Variants in STAT5A observed in about 807,000 individuals in gnomAD.
The protein encoded by STAT5A is signal transducer and activator of transcription 5A.
A neutral mutation model predicts 100.2 loss-of-function variants in STAT5A; 26 were observed. The ratio of observed to expected loss-of-function variants is 0.26; its 90% CI spans 0.19 to 0.36. The LOEUF (loss-of-function observed/expected upper bound fraction) is 0.36, where lower values mean the gene tolerates loss of function less well. Ranked by LOEUF, STAT5A falls within the 10% of genes least tolerant of loss-of-function variation. The pLI is 1.00. For synonymous variants in STAT5A, 330 were observed against 424.3 expected, an observed-to-expected ratio of 0.78 and a Z score of 2.73; for missense variants, 634 against 1,027.5, an observed-to-expected ratio of 0.62 and a Z score of 5.24.
chr17:42,290,928 G>T (rs2080863221), intron 3 of STAT5A, among the ~76,000 whole-genome samples: 1 of 152,196 alleles, frequency 6.6e-6, no homozygotes, highest in Non-Finnish European at 1.5e-5. Flanking sequence ...GACCGGGATT[G>T]GGCAGGGAGG....
Position 42,304,852 on chromosome 17 carries a change from T to C in STAT5A, c.1380+200T>C, listed in dbSNP as rs2081013324. Among the ~76,000 whole-genome samples, 1 of 152,208 alleles carries C rather than the reference T, an allele frequency of 6.6e-6. No individual in the cohort carries two copies. Among genetic ancestry groups the C allele is most frequent in the African/African-American group, 2.4e-5 (1 of 41,456 alleles). ...AGAAGTCGGTTGTAGTTTTTGTTTG[T>C]TTGCTTGTGCCTACATTTTGCTGGG... On this transcript the variant is annotated intron_variant, in intron 11 of 18. Coordinates refer to ENST00000590949, the MANE Select transcript of STAT5A (RefSeq NM_001288718.2). The surrounding 1 kb of genome is among the most constrained non-coding windows in gnomAD (Gnocchi z 4.8).
At chr17:42,290,130 G>A (rs957659672) in intron 3 of STAT5A, 108 bp downstream of exon 3, 5 of 1,362,314 alleles carry the variant, frequency 3.7e-6, no homozygotes, top group South Asian at 1.7e-5. Flanking sequence ...ATGTGACCAC[G>A]AACTTATTGG....
At chr17:42,299,549 A>G (rs190747900) in intron 5 of STAT5A, among the ~76,000 whole-genome samples, 251 of 152,308 alleles carry the variant, frequency 1.6e-3, no homozygotes, top group African/African-American at 5.7e-3. Context: ...GCTCAGAGTC[A>G]GGAGGCTGGT....
chr17:42,307,967 C>A (rs1285478670), intron 15 of STAT5A, among the ~76,000 whole-genome samples: 1 of 152,236 alleles, frequency 6.6e-6, no homozygotes, highest in African/African-American at 2.4e-5. Context: ...CACGCTCTCC[C>A]CTCTCTGCCA....
rs1448633096 is a variant in STAT5A, at chr17:42,289,474, G to A, written c.63G>A (p.Leu21=). The A allele has an allele frequency of 6.2e-7, 1 of 1,613,178 alleles. No homozygotes were observed. The highest frequency in any genetic ancestry group is 8.5e-7 in the Non-Finnish European group (1 of 1,179,940). The change falls in exon 2 of 19, where the codon CTG becomes CTA. Residue 21 remains leucine (L), a synonymous_variant. Coordinates refer to ENST00000590949, the MANE Select transcript of STAT5A (RefSeq NM_001288718.2). ...ACGCGCTGCGCCAGATGCAGGTGCT[G>A]TACGGCCAGCACTTCCCCATCGAGG... The part of the protein sequence containing the change: ...QGDALRQMQV[L]YGQHFPIEVR...
chr17:42,293,298 G>C (rs1016794727), intron 4 of STAT5A, among the ~76,000 whole-genome samples: 7 of 151,944 alleles, frequency 4.6e-5, no homozygotes, highest in Non-Finnish European at 1.0e-4. Context: ...TCCACCCCTT[G>C]GGTTCAAGAG....
In STAT5A at chr17:42,292,059, A is replaced by G. The variant is rs1457480358; in HGVS notation, c.373A>G (p.Asn125Asp). 6.2e-7 allele frequency: 1 copy of G among 1,613,870 alleles called. No homozygotes were observed. The highest frequency in any genetic ancestry group is 1.1e-5 in the South Asian group (1 of 91,082). Residue 125 changes from asparagine to aspartate, a missense_variant and splice_region_variant, in exon 4 of 19, where the codon AAT (asparagine) becomes GAT (aspartate). Physicochemically the swap from Asn to Asp is conservative, Grantham distance 23 (BLOSUM62 1). Transcript: ENST00000590949. ...NEQRLVREAN[N>D]CSSPAGILVD... ...ACAGAGGCTGGTCCGAGAAGCCAAC[A>G]ATGTGAGTGTCCCTTGGGGATGGGG...
At chr17:42,298,472 C>CT (rs1165911823) in intron 5 of STAT5A, among the ~76,000 whole-genome samples, 3,898 of 127,042 alleles carry the variant, frequency 0.031, 77 homozygotes, top group Non-Finnish European at 0.042. Context: ...ATGATGGATA[C>CT]TTTTTTTTTT....
intron 3 of STAT5A, among the ~76,000 whole-genome samples, chr17:42,291,572 C>T (rs1048781117): frequency 3.9e-5 from 6 of 152,012 alleles, no homozygotes; most frequent in Admixed American, 1.3e-4. Context: ...CAAAATTAGC[C>T]GAGCGTGATG....
intron 18 of STAT5A, 34 bp from the exon 19 acceptor site, chr17:42,310,473 C>T: frequency 6.2e-7 from 1 of 1,610,828 alleles, no homozygotes; most frequent in Non-Finnish European, 8.5e-7. Flanking sequence ...GTGAGACATG[C>T]CAGCTCCCTC....
At chr17:42,307,787 A>G in intron 15 of STAT5A, 64 bp downstream of exon 15, 10 of 1,582,280 alleles carry the variant, frequency 6.3e-6, no homozygotes, top group Non-Finnish European at 7.8e-6. Flanking sequence ...TTGCCCCGCC[A>G]CCCCACCCTC....
In STAT5A at chr17:42,299,839, C is replaced by T. The variant is rs762089778; in HGVS notation, c.639C>T (p.Ala213=). The part of the protein sequence containing the change: ...ALQQKQVSLE[A]WLQREAQTLQ... ...AGCAGAAGCAGGTGTCTCTGGAGGC[C>T]TGGTTGCAGCGTGAGGCACAGACAC... Residue 213 remains alanine (A), a synonymous_variant, in exon 6 of 19, where the codon GCC becomes GCT. Transcript: ENST00000590949. The T allele has an allele frequency of 6.2e-7, 1 of 1,612,450 alleles. No individual in the cohort carries two copies. The highest frequency in any genetic ancestry group is 8.5e-7 in the Non-Finnish European group (1 of 1,179,664).
rs771259226 is a variant in STAT5A, at chr17:42,289,874, T to C, written c.137T>C (p.Ile46Thr). ...QWIESQPWDA[I>T]DLDNPQDRAQ... ...TTCTGCCCTGCCCCAAGGGATGCCATTGACTTGGACAATCCCCAGGACAGA... is the reference window on the plus strand; with the variant it reads ...TTCTGCCCTGCCCCAAGGGATGCCACTGACTTGGACAATCCCCAGGACAGA... Residue 46 changes from isoleucine (I) to threonine (T), a missense_variant, in exon 3 of 19, where the codon ATT becomes ACT. Transcript: ENST00000590949. 7.7e-6 allele frequency: 12 copies of C among 1,565,218 alleles called. No homozygotes were observed. The highest frequency in any genetic ancestry group is 1.0e-5 in the Non-Finnish European group (12 of 1,154,532).
intron 4 of STAT5A, among the ~76,000 whole-genome samples, chr17:42,292,376 T>C (rs1192570557): frequency 6.6e-6 from 1 of 152,190 alleles, no homozygotes; most frequent in Non-Finnish European, 1.5e-5. Context: ...TCACCCAGGC[T>C]GCAGTGCAGT....
rs115757569 is a variant in STAT5A, at chr17:42,301,083, T to G, written c.990-192T>G. On this transcript the variant is annotated intron_variant, in intron 8 of 18. Transcript: ENST00000590949. Reference sequence around the variant, plus strand: ...ACCCTGGGCCGCAGCCCATGCCAGCTGCTGTGTTATCTCACTCCCCTCTCC... The same window carrying G: ...ACCCTGGGCCGCAGCCCATGCCAGCGGCTGTGTTATCTCACTCCCCTCTCC... Among the ~76,000 whole-genome samples, 882 of 152,248 alleles carry G rather than the reference T, an allele frequency of 5.8e-3. 9 individuals are homozygous for G. Among genetic ancestry groups the G allele is most frequent in the African/African-American group, 0.02 (831 of 41,530 alleles).
intron 5 of STAT5A, among the ~76,000 whole-genome samples, chr17:42,296,300 C>T (rs1027867804): frequency 6.6e-6 from 1 of 152,128 alleles, no homozygotes; most frequent in African/African-American, 2.4e-5. Context: ...CTTCTTGAGC[C>T]TCACGGATAG....
chr17:42,290,011 A>C lies in STAT5A; in HGVS notation c.274A>C (p.Thr92Pro). The change falls in exon 3 of 19, where the codon ACG becomes CCG. Residue 92 changes from threonine to proline, a missense_variant. By Grantham distance (38) the Thr-to-Pro change is conservative. Around this residue, in one of 5 missense-constraint regions of STAT5A, gnomAD observed 207 missense variants for 256.6 expected, o/e 0.81. Transcript: ENST00000590949. ...GAAGATCAAGCTGGGGCACTACGCCACGCAGCTCCAGGTGGGTGTAGGCTC... is the reference window on the plus strand; with the variant it reads ...GAAGATCAAGCTGGGGCACTACGCCCCGCAGCTCCAGGTGGGTGTAGGCTC... ...LLKIKLGHYA[T>P]QLQKTYDRCP... The C allele has an allele frequency of 6.2e-7, 1 of 1,612,620 alleles. No individual in the cohort carries two copies.
At position 42,310,698 on chromosome 17, in the gene STAT5A, A is replaced by G; in HGVS notation, c.*29A>G. On this transcript the variant is annotated 3_prime_UTR_variant, in exon 19 of 19. Coordinates refer to ENST00000590949, the MANE Select transcript of STAT5A (RefSeq NM_001288718.2). The stretch of plus-strand genomic sequence containing the variant: ...TTTGAATCCCACGCTTCTCTTTGGA[A>G]ACAATATGCAATGTGAAGCGGTCGT... 6.2e-7 allele frequency: 1 copy of G among 1,613,390 alleles called. No individual in the cohort carries two copies. The highest frequency in any genetic ancestry group is 8.5e-7 in the Non-Finnish European group (1 of 1,179,516).
At chr17:42,288,459 C>T (rs1474066834), upstream of STAT5A, 1 of 152,528 alleles carries the variant, frequency 6.6e-6, no homozygotes, top group African/African-American at 2.4e-5. This position sits in a 1 kb window ranked among gnomAD's most constrained non-coding sequence, Gnocchi z 4.8. Flanking sequence ...AGGCAGCTGA[C>T]CTTTGAGGAG....
Sources: gnomAD v4.1 joint callset for allele counts (sites outside exome capture counted in the v4.1 genomes callset) on GRCh38, gnomAD v4.1.1 for gene constraint, gnomAD v4.1.1 regional missense constraint, Gnocchi (gnomAD v3.1) non-coding constraint, MANE v1.5 for transcripts, NCBI Gene and HGNC (gene_info 2026-07-23, HGNC 2026-07-21) for gene names.